The following XKRX variants were observed in gnomAD, a reference collection of about 807,000 sequenced individuals.
XKRX encodes the protein XK related X-linked, also known as XK-related protein 2.
In XKRX, 11 loss-of-function variants were observed where a neutral mutation model predicts 22.4. The observed-to-expected ratio is 0.49, with a 90% CI of 0.31 to 0.81. XKRX has a LOEUF of 0.81. Ranked by LOEUF, XKRX falls within the 40% of genes least tolerant of loss-of-function variation. The probability of loss-of-function intolerance (pLI) is 0.05; values close to 1 mark genes in which losing one functional copy is unlikely to be tolerated. For synonymous variants in XKRX, 114 were observed against 132.2 expected (o/e 0.86, Z 0.94); for missense variants, 320 against 336.5 (o/e 0.95, Z 0.38).
At chrX:100,944,124 G>C in the XKRX span, among the ~76,000 whole-genome samples, 1 of 111,786 alleles carries the variant, frequency 8.9e-6, no homozygotes, top group Non-Finnish European at 1.9e-5. Context: ...TTTCATTTGA[G>C]CTCTTCTGAT....
Position 100,927,183 on chromosome X carries a change from AT to A in XKRX, c.335+786del, listed in dbSNP as rs1169287076. On this transcript the variant is annotated intron_variant, in intron 1 of 2. Transcript: ENST00000372956. ...ACGAGATCCCGTCTCTACAAAAAAAATTTTTTTTTTTTTGAGATGGAGTCTC... is the reference window on the plus strand; with the variant it reads ...ACGAGATCCCGTCTCTACAAAAAAAATTTTTTTTTTTTGAGATGGAGTCTC... Among the ~76,000 whole-genome samples, 109 of 105,126 alleles carry A rather than the reference AT, an allele frequency of 1.0e-3. 1 individual carries two copies. Among genetic ancestry groups the A allele is most frequent in the African/African-American group, 1.7e-3 (51 of 29,255 alleles). The allele number at this position is 105,126 out of a possible 115,157, so 91.3% of individuals were successfully genotyped here.
the XKRX span, among the ~76,000 whole-genome samples, chrX:100,900,788 C>CTT: frequency 0.017 from 1,476 of 89,223 alleles, 61 homozygotes; most frequent in African/African-American, 0.057. Context: ...TCACAATCTC[C>CTT]TTTTTTTTTT....
At chrX:100,933,179 A>G (rs1353527013), upstream of XKRX, among the ~76,000 whole-genome samples, 3 of 109,329 alleles carry the variant, frequency 2.7e-5, no homozygotes, top group Non-Finnish European at 5.7e-5. Context: ...AAAAAAAAAA[A>G]GAAAAAGAAA....
At chrX:100,931,165 A>C (rs1490592888), upstream of XKRX, among the ~76,000 whole-genome samples, 2 of 109,789 alleles carry the variant, frequency 1.8e-5, no homozygotes, top group East Asian at 2.8e-4. Flanking sequence ...AAAAAAAAAA[A>C]AAACATGGGA....
the XKRX span, among the ~76,000 whole-genome samples, chrX:100,897,348 G>T: frequency 1.8e-5 from 2 of 110,077 alleles, no homozygotes; most frequent in Non-Finnish European, 3.8e-5. Context: ...ACTTTGAGAG[G>T]CCAAGGCAGG....
the XKRX span, among the ~76,000 whole-genome samples, chrX:100,904,026 C>T: frequency 3.6e-5 from 4 of 111,594 alleles, 1 homozygote; most frequent in Non-Finnish European, 7.5e-5. Context: ...CCAGAATAGC[C>T]AACTTGGTAT....
intron 2 of XKRX, among the ~76,000 whole-genome samples, chrX:100,920,698 A>G (rs2085467800): frequency 8.9e-6 from 1 of 112,448 alleles, no homozygotes; most frequent in South Asian, 3.7e-4. Context: ...CATAGTTTCC[A>G]GAAATTTTCT....
chrX:100,904,830 G>A, the XKRX span, among the ~76,000 whole-genome samples: 1 of 112,152 alleles, frequency 8.9e-6, no homozygotes, highest in Non-Finnish European at 1.9e-5. Flanking sequence ...GAGAAGCAGA[G>A]CCAAACGGGT....
downstream of XKRX, chrX:100,911,244 A>G: frequency 1.9e-6 from 2 of 1,045,389 alleles, no homozygotes; most frequent in South Asian, 3.8e-5. Context: ...TTGCATTTCA[A>G]GAAAGCCCAT....
the XKRX span, among the ~76,000 whole-genome samples, chrX:100,942,365 C>T: frequency 9.0e-6 from 1 of 111,515 alleles, no homozygotes; most frequent in Non-Finnish European, 1.9e-5. Flanking sequence ...AAGAGAGTCT[C>T]CTCTTTTATT....
At chrX:100,947,802 C>T in the XKRX span, among the ~76,000 whole-genome samples, 1 of 112,102 alleles carries the variant, frequency 8.9e-6, no homozygotes. Flanking sequence ...CCCATCAAAA[C>T]CTATACTATG....
chrX:100,912,928 T>G (rs777676793), downstream of XKRX, among the ~76,000 whole-genome samples: 14 of 111,779 alleles, frequency 1.3e-4, no homozygotes, highest in Admixed American at 6.7e-4. Context: ...CCGCGTGAGG[T>G]GGCTCATGCC....
At chrX:100,920,663 C>T (rs1015365918) in intron 2 of XKRX, among the ~76,000 whole-genome samples, 13 of 112,532 alleles carry the variant, frequency 1.2e-4, no homozygotes, top group African/African-American at 4.2e-4. Flanking sequence ...ACTTTTCATT[C>T]CCACTCCGCA....
upstream of XKRX, among the ~76,000 whole-genome samples, chrX:100,931,981 T>C (rs183618954): frequency 8.9e-6 from 1 of 111,833 alleles, no homozygotes; most frequent in Non-Finnish European, 1.9e-5. Context: ...AGTATATTAA[T>C]TTTTATTCCC....
chrX:100,927,650 A>T (rs1204416), intron 1 of XKRX, among the ~76,000 whole-genome samples: 25,569 of 108,974 alleles, frequency 0.23, 2,643 homozygotes, highest in African/African-American at 0.33. Context: ...GAAAAAAAAA[A>T]TTTTTTAAAT....
the XKRX span, among the ~76,000 whole-genome samples, chrX:100,937,235 C>A: frequency 9.0e-6 from 1 of 111,074 alleles, no homozygotes; most frequent in African/African-American, 3.3e-5. Context: ...AAATGATCCA[C>A]CCGCCTTGGC....
At chrX:100,912,338 C>T (rs2085409911), downstream of XKRX, among the ~76,000 whole-genome samples, 1 of 105,745 alleles carries the variant, frequency 9.5e-6, no homozygotes, top group South Asian at 4.4e-4. Flanking sequence ...GAAAGGAGCT[C>T]TCCACTGTTC....
downstream of XKRX, chrX:100,910,769 A>G (rs2085404376): frequency 6.6e-6 from 5 of 756,378 alleles, no homozygotes; most frequent in Non-Finnish European, 1.0e-5. Flanking sequence ...CGTTTGGATT[A>G]CCATGAGAAA....
chrX:100,915,242 C>T lies in XKRX; in HGVS notation c.605-159G>A, dbSNP rs146761677. Among the ~76,000 whole-genome samples, 57 of 111,636 alleles carry T rather than the reference C, an allele frequency of 5.1e-4. No homozygotes were observed. The East Asian group carries it at 0.014, about 28-fold the overall frequency. On this transcript the variant is annotated intron_variant, in intron 2 of 2. Transcript: ENST00000372956. ...TGATCACAGCTATGTAAACAAATAG[C>T]ATGCACTTGAATAGACTTTCTCCGA... is the stretch of plus-strand genomic sequence containing the variant.
Sources: allele counts gnomAD v4.1 joint callset (sites outside exome capture counted in the v4.1 genomes callset), GRCh38; gene constraint gnomAD v4.1.1; transcripts MANE v1.5; gene names NCBI Gene and HGNC (gene_info 2026-07-23, HGNC 2026-07-21).